KCNH7: variants seen among roughly 807,000 people sequenced by gnomAD.
KCNH7 encodes the protein potassium voltage-gated channel subfamily H member 7.
Under a neutral mutation model 120.8 loss-of-function variants are expected in KCNH7, and 49 were observed. The observed-to-expected ratio is 0.41, with a 90% CI of 0.32 to 0.51. The LOEUF (loss-of-function observed/expected upper bound fraction) is 0.51, where lower values mean the gene tolerates loss of function less well. Among genes scored for constraint, KCNH7 ranks in the 20% least tolerant of loss-of-function variants. KCNH7 has a pLI of 0.38. For missense variants in KCNH7, 1,097 were observed against 1,446.6 expected (o/e 0.76, Z 3.92); for synonymous variants, 547 against 516.1 (o/e 1.06, Z -0.81).
At chr2:162,506,132 A>C (rs571474409) in intron 5 of KCNH7, among the ~76,000 whole-genome samples, 1 of 152,026 alleles carries the variant, frequency 6.6e-6, no homozygotes, top group Non-Finnish European at 1.5e-5. Context: ...GACGATGACC[A>C]AGTCCATCTA....
At chr2:162,612,549 C>T (rs972783230) in intron 2 of KCNH7, among the ~76,000 whole-genome samples, 3 of 151,988 alleles carry the variant, frequency 2.0e-5, no homozygotes, top group Admixed American at 1.3e-4. Context: ...TTGATTGATA[C>T]TATACAGGAA....
intron 2 of KCNH7, among the ~76,000 whole-genome samples, chr2:162,606,990 A>G (rs1169511946): frequency 2.0e-5 from 3 of 152,146 alleles, no homozygotes; most frequent in Non-Finnish European, 4.4e-5. Context: ...TTTTTTGAGC[A>G]TACATATTGA....
intron 9 of KCNH7, among the ~76,000 whole-genome samples, chr2:162,410,526 C>A (rs950579890): frequency 6.6e-6 from 1 of 151,530 alleles, no homozygotes; most frequent in Non-Finnish European, 1.5e-5. Flanking sequence ...TTACCAACAC[C>A]TCTTCAACCT....
intron 2 of KCNH7, among the ~76,000 whole-genome samples, chr2:162,657,387 T>C (rs760424087): frequency 1.3e-5 from 2 of 152,212 alleles, no homozygotes; most frequent in Non-Finnish European, 2.9e-5. Context: ...TTTTCCAGAA[T>C]GTTTTACAGC....
intron 2 of KCNH7, among the ~76,000 whole-genome samples, chr2:162,580,724 C>G (rs1243885685): frequency 2.6e-5 from 4 of 151,992 alleles, no homozygotes. Flanking sequence ...CCCACCCTAA[C>G]AGATGTCACT....
chr2:162,392,935 G>C (rs1253470660), intron 12 of KCNH7, among the ~76,000 whole-genome samples: 1 of 151,856 alleles, frequency 6.6e-6, no homozygotes, highest in Non-Finnish European at 1.5e-5. Context: ...GATGAGAGAG[G>C]GGCAAGTTGC....
intron 3 of KCNH7, among the ~76,000 whole-genome samples, chr2:162,523,730 C>T (rs1401936898): frequency 6.6e-6 from 1 of 151,812 alleles, no homozygotes; most frequent in African/African-American, 2.4e-5. Context: ...CAAAATTATC[C>T]ATCTACTTTC....
At chr2:162,797,394 C>T (rs1684183784) in intron 2 of KCNH7, 3 of 152,026 alleles carry the variant, frequency 2.0e-5, no homozygotes, top group Admixed American at 2.0e-4. Context: ...TCTAACATTA[C>T]TTGACAGAAA....
chr2:162,602,253 G>A (rs1415381993), intron 2 of KCNH7, among the ~76,000 whole-genome samples: 1 of 151,944 alleles, frequency 6.6e-6, no homozygotes, highest in African/African-American at 2.4e-5. Context: ...ACAGATGAGA[G>A]GCAGAAGGTA....
chr2:162,675,769 G>T (rs1369917837), intron 2 of KCNH7, among the ~76,000 whole-genome samples: 3 of 151,526 alleles, frequency 2.0e-5, no homozygotes, highest in Non-Finnish European at 3.0e-5. Context: ...CTTAAGCTGA[G>T]TAGTGGATAC....
chr2:162,838,524 C>T lies in KCNH7; in HGVS notation c.-6G>A, dbSNP rs752936868. The stretch of plus-strand genomic sequence containing the variant: ...TGCCCCCTGCGCACAGGCATGTTGG[C>T]CCCGGTCTTCCGAGGAGCGCTCCCC... On this transcript the variant is annotated 5_prime_UTR_variant, in exon 1 of 16. Transcript: ENST00000332142. 6.8e-6 allele frequency: 11 copies of T among 1,610,356 alleles called. No individual in the cohort carries two copies. The highest frequency in any genetic ancestry group is 2.0e-4 in the Middle Eastern group (1 of 5,034).
intron 10 of KCNH7, among the ~76,000 whole-genome samples, chr2:162,397,250 A>C (rs1381276886): frequency 1.3e-5 from 2 of 151,710 alleles, no homozygotes; most frequent in African/African-American, 2.4e-5. Context: ...AGAGTATTTT[A>C]AATATACTTT....
intron 6 of KCNH7, among the ~76,000 whole-genome samples, chr2:162,451,022 T>C (rs1249402170): frequency 2.0e-5 from 3 of 152,012 alleles, no homozygotes; most frequent in African/African-American, 4.8e-5. Flanking sequence ...TCAGGTAATA[T>C]AAATCTTTGA....
chr2:162,423,119 T>C, intron 9 of KCNH7: 1 of 916,500 alleles, frequency 1.1e-6, no homozygotes, highest in Non-Finnish European at 1.6e-6. Flanking sequence ...TCAGTTTGCA[T>C]CATGTTATAA....
intron 2 of KCNH7, among the ~76,000 whole-genome samples, chr2:162,682,197 CCATTCAT>C (rs1416462260): frequency 1.3e-5 from 2 of 151,634 alleles, no homozygotes; most frequent in African/African-American, 4.8e-5. Context: ...CAAAATTCAT[CCATTCAT>C]TGAAAAAAAT....
intron 2 of KCNH7, among the ~76,000 whole-genome samples, chr2:162,825,223 C>G (rs368671636): frequency 6.6e-6 from 1 of 151,512 alleles, no homozygotes; most frequent in South Asian, 2.1e-4. Context: ...GGGCATCCAG[C>G]GAGGATACTC....
intron 2 of KCNH7, among the ~76,000 whole-genome samples, chr2:162,756,364 C>T (rs567304529): frequency 3.3e-5 from 5 of 152,244 alleles, no homozygotes; most frequent in Admixed American, 2.6e-4. Context: ...CAAATTCTGC[C>T]ATATATTAGA....
At chr2:162,477,740 G>A (rs945790356) in intron 6 of KCNH7, among the ~76,000 whole-genome samples, 1 of 152,150 alleles carries the variant, frequency 6.6e-6, no homozygotes, top group Non-Finnish European at 1.5e-5. Context: ...AGGAGGGGAT[G>A]TGGTAGAATT....
intron 2 of KCNH7, among the ~76,000 whole-genome samples, chr2:162,680,304 T>C (rs1199564159): frequency 6.6e-6 from 1 of 151,494 alleles, no homozygotes; most frequent in Non-Finnish European, 1.5e-5. Flanking sequence ...AAGAGCAACA[T>C]ACAAACCGAG....
Sources: allele counts gnomAD v4.1 joint callset (sites outside exome capture counted in the v4.1 genomes callset), GRCh38; gene constraint gnomAD v4.1.1; transcripts MANE v1.5; gene names NCBI Gene and HGNC (gene_info 2026-07-23, HGNC 2026-07-21).